Variants in SRP68 observed in about 807,000 individuals in gnomAD.
SRP68 encodes signal recognition particle subunit SRP68.
SRP68 carries 15 observed loss-of-function variants against 82.2 expected under a neutral mutation model. The ratio of observed to expected loss-of-function variants is 0.18; its 90% CI spans 0.12 to 0.28. The LOEUF is 0.28. SRP68 is among the 10% of genes least tolerant of loss of function. The probability of loss-of-function intolerance (pLI) is 1.00; values close to 1 mark genes in which losing one functional copy is unlikely to be tolerated. For synonymous variants in SRP68, 261 were observed against 292.6 expected (o/e 0.89, Z 1.10); for missense variants, 595 against 780.5 (o/e 0.76, Z 2.83).
intron 2 of SRP68, among the ~76,000 whole-genome samples, chr17:76,069,815 G>A (rs575530625): frequency 8.6e-5 from 13 of 150,712 alleles, no homozygotes; most frequent in East Asian, 1.9e-4. Context: ...GGTGGCTCAC[G>A]CCTGTAATTC....
chr17:76,051,260 G>C (rs906867979), intron 8 of SRP68, among the ~76,000 whole-genome samples: 1 of 152,200 alleles, frequency 6.6e-6, no homozygotes, highest in African/African-American at 2.4e-5. Context: ...GGGTAAGTGA[G>C]AAAGTGATTC....
At chr17:76,067,101 A>T in intron 3 of SRP68, 116 bp downstream of exon 3, 2 of 805,730 alleles carry the variant, frequency 2.5e-6, no homozygotes, top group Non-Finnish European at 4.2e-6. Context: ...CAGGAATAGT[A>T]AACAATGCCC....
At chr17:76,061,261 A>T (rs750530940) in intron 5 of SRP68, 42 bp from the exon 6 acceptor site, 3 of 1,372,196 alleles carry the variant, frequency 2.2e-6, no homozygotes, top group Non-Finnish European at 3.1e-6. Context: ...AGCCTTATAT[A>T]AGAAAAACTC....
chr17:76,060,835 A>G, intron 6 of SRP68: 1 of 411,692 alleles, frequency 2.4e-6, no homozygotes, highest in Non-Finnish European at 4.4e-6. Flanking sequence ...AAACTGCTCT[A>G]AAACAGTAAA....
intron 7 of SRP68, among the ~76,000 whole-genome samples, chr17:76,059,678 G>A (rs1209289441): frequency 6.6e-6 from 1 of 151,884 alleles, no homozygotes; most frequent in Non-Finnish European, 1.5e-5. Context: ...CGAGAACAGT[G>A]GCTCATGCCT....
At chr17:76,048,471 CTGGG>C (rs2066647560) in intron 9 of SRP68, 1 of 152,190 alleles carries the variant, frequency 6.6e-6, no homozygotes, top group Admixed American at 6.5e-5. Context: ...TCTGAATTAT[CTGGG>C]TGGGTCCAAT....
At position 76,039,750 on chromosome 17, in the gene SRP68, C is replaced by T; in HGVS notation, c.1840G>A (p.Gly614Ser). 6.2e-7 allele frequency: 1 copy of T among 1,614,210 alleles called. No homozygotes were observed. Among genetic ancestry groups the T allele is most frequent in the South Asian group, 1.1e-5 (1 of 91,086 alleles). ...EDKLEQKTKS[G>S]LTGYIKGIFG... ...ATGCCCTTGATGTATCCAGTGAGGCCACTCTTGGTCTTCTGTTCCAACTTG... is the reference window on the plus strand; with the variant it reads ...ATGCCCTTGATGTATCCAGTGAGGCTACTCTTGGTCTTCTGTTCCAACTTG... The change falls in exon 16 of 16, where the codon GGC (glycine) becomes AGC (serine). Residue 614 changes from glycine (G) to serine (S), a missense_variant. This residue lies in a region of SRP68 where 495 missense variants were observed against 688.6 expected (regional missense o/e 0.72). Coordinates refer to ENST00000307877, the MANE Select transcript of SRP68 (RefSeq NM_014230.4).
rs749757006 is a variant in SRP68, at chr17:76,057,495, C to G, written c.886G>C (p.Val296Leu). 7 of 1,614,102 alleles carry G rather than the reference C, an allele frequency of 4.3e-6. No individual in the cohort carries two copies. In the South Asian group the frequency reaches 5.5e-5, roughly 13 times the overall value. Residue 296 changes from valine to leucine, a missense_variant, in exon 8 of 16, where the codon GTG (valine) becomes CTG (leucine). Coordinates refer to ENST00000307877, the MANE Select transcript of SRP68 (RefSeq NM_014230.4). ...RAKQAATMSEVEWRGRTVPVK... is the reference protein window; with the variant it reads ...RAKQAATMSELEWRGRTVPVK... ...GGAACCGTTCTCCCTCTCCACTCCACTTCACTCATGGTAGCTGCCTGTTTG... is the reference window on the plus strand; with the variant it reads ...GGAACCGTTCTCCCTCTCCACTCCAGTTCACTCATGGTAGCTGCCTGTTTG...
rs1304815390 is a variant in SRP68, at chr17:76,039,799, A to C, written c.1791T>G (p.His597Gln). 1 of 1,614,204 alleles carries C rather than the reference A, an allele frequency of 6.2e-7. No homozygotes were observed. The highest frequency in any genetic ancestry group is 8.5e-7 in the Non-Finnish European group (1 of 1,180,036). The change falls in exon 16 of 16, where the codon CAT (histidine) becomes CAG (glutamine). Residue 597 changes from histidine to glutamine, a missense_variant. Physicochemically the swap from His to Gln is conservative, Grantham distance 24 (BLOSUM62 0). This residue lies in a region of SRP68 where 495 missense variants were observed against 688.6 expected (regional missense o/e 0.72). Coordinates refer to ENST00000307877, the MANE Select transcript of SRP68 (RefSeq NM_014230.4). ...TGTCCTCAAGGGGTGGGAAAGCCAC[A>C]TGGTTGAGGGCCAGGTCAAAGAACA... ...KPLFFDLALN[H>Q]VAFPPLEDKL...
At chr17:76,059,808 A>AG in intron 7 of SRP68, among the ~76,000 whole-genome samples, 1 of 150,096 alleles carries the variant, frequency 6.7e-6, no homozygotes, top group Admixed American at 6.6e-5. Context: ...AAAAAAAAAA[A>AG]GAATACTTCA....
chr17:76,058,431 A>AT (rs1381923922), intron 7 of SRP68, among the ~76,000 whole-genome samples: 1 of 151,382 alleles, frequency 6.6e-6, no homozygotes, highest in African/African-American at 2.4e-5. Flanking sequence ...TCTGAAAAAA[A>AT]TTTTTTTTGT....
chr17:76,058,156 ATT>A (rs113291325), intron 7 of SRP68, among the ~76,000 whole-genome samples: 82 of 143,040 alleles, frequency 5.7e-4, no homozygotes, highest in African/African-American at 1.8e-3. Context: ...AAAAAAAAAA[ATT>A]TTTTTTTTTT....
chr17:76,065,172 C>T (rs1210817981), intron 3 of SRP68, among the ~76,000 whole-genome samples: 5 of 151,740 alleles, frequency 3.3e-5, no homozygotes, highest in Non-Finnish European at 5.9e-5. Context: ...AGTCCAGGCT[C>T]GGTGTAGTGG....
At chr17:76,050,305 A>T in intron 9 of SRP68, 123 bp downstream of exon 9, 1 of 676,694 alleles carries the variant, frequency 1.5e-6, no homozygotes, top group Non-Finnish European at 2.6e-6. Flanking sequence ...CCTCAAAAAA[A>T]CAAAAACGAA....
At chr17:76,069,515 G>C (rs2066832757) in intron 2 of SRP68, among the ~76,000 whole-genome samples, 1 of 152,034 alleles carries the variant, frequency 6.6e-6, no homozygotes, top group South Asian at 2.1e-4. Flanking sequence ...AGGAGTTCAA[G>C]ACCAGCCTGG....
chr17:76,063,049 C>T (rs534709827), intron 4 of SRP68, among the ~76,000 whole-genome samples: 23 of 151,526 alleles, frequency 1.5e-4, no homozygotes, highest in South Asian at 1.5e-3. Flanking sequence ...GGATTACAGG[C>T]GTGAGCCACC....
intron 12 of SRP68, 95 bp downstream of exon 12, chr17:76,045,197 G>A (rs758601037): frequency 5.1e-5 from 47 of 915,270 alleles, no homozygotes; most frequent in Non-Finnish European, 8.2e-5. Context: ...ATACACTCAA[G>A]GCCAACGGTC....
intron 13 of SRP68, 140 bp downstream of exon 13, chr17:76,043,689 G>T: frequency 1.2e-6 from 1 of 827,050 alleles, no homozygotes; most frequent in Non-Finnish European, 1.8e-6. Context: ...CTCCTGGGCA[G>T]TCAGGGCTAC....
intron 3 of SRP68, among the ~76,000 whole-genome samples, chr17:76,065,843 C>T (rs1318833313): frequency 6.6e-6 from 1 of 151,828 alleles, no homozygotes; most frequent in Non-Finnish European, 1.5e-5. Flanking sequence ...CTGGTTTGCA[C>T]TGACCAACAT....
Sources: gnomAD v4.1 joint callset for allele counts (sites outside exome capture counted in the v4.1 genomes callset) on GRCh38, gnomAD v4.1.1 for gene constraint, gnomAD v4.1.1 regional missense constraint, MANE v1.5 for transcripts, NCBI Gene and HGNC (gene_info 2026-07-23, HGNC 2026-07-21) for gene names.